The following KCNAB1 variants were observed in gnomAD, a reference collection of about 807,000 sequenced individuals.
KCNAB1 encodes the protein voltage-gated potassium channel subunit beta-1.
Under a neutral mutation model 64.6 loss-of-function variants are expected in KCNAB1, and 35 were observed. The ratio of observed to expected loss-of-function variants is 0.54; its 90% CI spans 0.41 to 0.72. The LOEUF (loss-of-function observed/expected upper bound fraction) is 0.72. Among genes scored for constraint, KCNAB1 ranks in the 30% least tolerant of loss-of-function variants. KCNAB1 has a pLI of 0.00. For synonymous variants in KCNAB1, 177 were observed against 183.8 expected, an observed-to-expected ratio of 0.96 and a Z score of 0.30; for missense variants, 401 against 512.9, an observed-to-expected ratio of 0.78 and a Z score of 2.11.
intron 1 of KCNAB1, among the ~76,000 whole-genome samples, chr3:156,342,609 A>ATTTTTTTTTTTTT (rs59689669): frequency 8.6e-5 from 9 of 104,694 alleles, no homozygotes; most frequent in East Asian, 2.9e-4. Context: ...TTTTTTTTTA[A>ATTTTTTTTTTTTT]TTTTTTTTTT....
chr3:156,474,668 C>T, intron 7 of KCNAB1, 66 bp from the exon 8 acceptor site: 1 of 1,173,420 alleles, frequency 8.5e-7, no homozygotes, highest in South Asian at 1.3e-5. Flanking sequence ...TGAAAGAAAC[C>T]AAACTTCAAC....
At chr3:156,229,247 C>T (rs1248957971) in intron 1 of KCNAB1, among the ~76,000 whole-genome samples, 1 of 152,090 alleles carries the variant, frequency 6.6e-6, no homozygotes. Context: ...GGAAGCATGG[C>T]TGGGGAGGCC....
chr3:156,154,687 C>G (rs1715613909), intron 1 of KCNAB1, among the ~76,000 whole-genome samples: 1 of 152,200 alleles, frequency 6.6e-6, no homozygotes, highest in Non-Finnish European at 1.5e-5. Flanking sequence ...GTGGTATCAT[C>G]AGATCCATGG....
chr3:156,193,408 G>T (rs1713689563), intron 1 of KCNAB1, among the ~76,000 whole-genome samples: 1 of 152,164 alleles, frequency 6.6e-6, no homozygotes, highest in Non-Finnish European at 1.5e-5. Context: ...TCTTGTGTTA[G>T]ATTATTTTGC....
chr3:156,252,555 T>C (rs1432740686), intron 1 of KCNAB1, among the ~76,000 whole-genome samples: 4 of 152,242 alleles, frequency 2.6e-5, no homozygotes, highest in Non-Finnish European at 5.9e-5. Context: ...ATATTTTATC[T>C]TCCTTCAATA....
intron 1 of KCNAB1, among the ~76,000 whole-genome samples, chr3:156,268,183 T>C (rs964664263): frequency 1.3e-5 from 2 of 152,112 alleles, no homozygotes; most frequent in Admixed American, 1.3e-4. Flanking sequence ...AATGACCTCC[T>C]TGTTGCAAAT....
intron 1 of KCNAB1, among the ~76,000 whole-genome samples, chr3:156,362,106 T>G (rs1185006316): frequency 6.6e-6 from 1 of 152,248 alleles, no homozygotes; most frequent in African/African-American, 2.4e-5. Flanking sequence ...TAGCTCTATA[T>G]CCATCTATAT....
At chr3:156,252,596 G>T (rs1454190504) in intron 1 of KCNAB1, among the ~76,000 whole-genome samples, 1 of 152,078 alleles carries the variant, frequency 6.6e-6, no homozygotes, top group Non-Finnish European at 1.5e-5. Flanking sequence ...CTTCAAAGTT[G>T]CAAGTTCCCT....
chr3:156,476,771 A>G (rs1386113784), intron 8 of KCNAB1, among the ~76,000 whole-genome samples: 2 of 152,158 alleles, frequency 1.3e-5, no homozygotes, highest in Non-Finnish European at 2.9e-5. Context: ...CAGTGTAGAA[A>G]TGTTCCAGTC....
At chr3:156,440,404 T>C (rs1048084842) in intron 2 of KCNAB1, among the ~76,000 whole-genome samples, 2 of 152,246 alleles carry the variant, frequency 1.3e-5, no homozygotes, top group Non-Finnish European at 2.9e-5. Context: ...ATTCTTACAA[T>C]GGAAACTTGT....
chr3:156,274,324 C>T (rs1047726550), intron 1 of KCNAB1, among the ~76,000 whole-genome samples: 1 of 152,176 alleles, frequency 6.6e-6, no homozygotes, highest in African/African-American at 2.4e-5. Flanking sequence ...TATCCCTGTT[C>T]CTGCCCTGCT....
intron 1 of KCNAB1, among the ~76,000 whole-genome samples, chr3:156,275,920 A>G (rs1013399033): frequency 8.6e-5 from 13 of 152,042 alleles, no homozygotes; most frequent in African/African-American, 2.9e-4. Flanking sequence ...ACATCCTCCT[A>G]TAAATCACAA....
At chr3:156,207,771 C>T (rs1714757166) in intron 1 of KCNAB1, among the ~76,000 whole-genome samples, 1 of 152,154 alleles carries the variant, frequency 6.6e-6, no homozygotes, top group South Asian at 2.1e-4. Context: ...TGCACAACCT[C>T]AGGGGTGTCA....
intron 1 of KCNAB1, chr3:156,176,230 A>T (rs980931221): frequency 1.3e-6 from 1 of 786,708 alleles, no homozygotes; most frequent in Non-Finnish European, 2.4e-6. Flanking sequence ...ATGGCCTGTC[A>T]TGGTGTAGGT....
intron 1 of KCNAB1, among the ~76,000 whole-genome samples, chr3:156,317,966 G>A (rs954086037): frequency 5.9e-5 from 9 of 152,110 alleles, no homozygotes; most frequent in African/African-American, 1.9e-4. Flanking sequence ...ATTTTAGGCA[G>A]GTAGTTAGAT....
intron 1 of KCNAB1, among the ~76,000 whole-genome samples, chr3:156,367,820 C>T (rs1459506245): frequency 6.6e-6 from 1 of 151,018 alleles, no homozygotes; most frequent in Non-Finnish European, 1.5e-5. Context: ...GAGATCTTTT[C>T]TTTTTTTCTA....
chr3:156,521,809 C>G (rs1253352399), intron 11 of KCNAB1, among the ~76,000 whole-genome samples: 4 of 151,824 alleles, frequency 2.6e-5, no homozygotes, highest in Non-Finnish European at 4.4e-5. Flanking sequence ...CTTTTGTTTC[C>G]TTTGGTATGA....
At chr3:156,291,283 A>G (rs1576683682) in intron 1 of KCNAB1, 5 of 989,016 alleles carry the variant, frequency 5.1e-6, no homozygotes, top group Non-Finnish European at 4.8e-6. Context: ...GGTCTTGAGG[A>G]GCCCCCACGT....
At chr3:156,308,291 G>T (rs1721651566) in intron 1 of KCNAB1, among the ~76,000 whole-genome samples, 1 of 152,200 alleles carries the variant, frequency 6.6e-6, no homozygotes, top group African/African-American at 2.4e-5. Context: ...CAGATATTGA[G>T]GGCCCTGTGG....
Sources: gnomAD v4.1 joint callset for allele counts (sites outside exome capture counted in the v4.1 genomes callset) on GRCh38, gnomAD v4.1.1 for gene constraint, MANE v1.5 for transcripts, NCBI Gene and HGNC (gene_info 2026-07-23, HGNC 2026-07-21) for gene names.